SEMA6A: variants seen among roughly 807,000 people sequenced by gnomAD.
SEMA6A encodes the protein semaphorin-6A.
Under a neutral mutation model 96.8 loss-of-function variants are expected in SEMA6A, and 25 were observed. The observed-to-expected ratio is 0.26, with a 90% confidence interval of 0.19 to 0.36. The LOEUF (loss-of-function observed/expected upper bound fraction) is 0.36. Among genes scored for constraint, SEMA6A ranks in the 10% least tolerant of loss-of-function variants. SEMA6A has a pLI of 1.00. For missense variants in SEMA6A, 1,363 were observed against 1,323.1 expected (o/e 1.03, Z -0.47); for synonymous variants, 612 against 518.0 (o/e 1.18, Z -2.46).
At chr5:116,473,216 T>C (rs1319281653) in intron 16 of SEMA6A, 123 bp from the exon 17 acceptor site, 2 of 894,168 alleles carry the variant, frequency 2.2e-6, no homozygotes, top group African/African-American at 1.7e-5. Context: ...ACTAAGTAAG[T>C]GCTTTTTAAT....
chr5:116,475,487 G>T, intron 16 of SEMA6A, 58 bp downstream of exon 16: 2 of 1,209,938 alleles, frequency 1.7e-6, no homozygotes, highest in Non-Finnish European at 2.4e-6. Flanking sequence ...ATGTTTCTAG[G>T]CCATTCACTG....
chr5:116,514,811 A>C (rs963314489), intron 1 of SEMA6A, among the ~76,000 whole-genome samples: 1 of 152,206 alleles, frequency 6.6e-6, no homozygotes, highest in Admixed American at 6.5e-5. Context: ...GCTCTGTGCT[A>C]AGATGCTGAT....
chr5:116,455,534 T>C (rs563818584), intron 18 of SEMA6A, among the ~76,000 whole-genome samples: 1 of 152,218 alleles, frequency 6.6e-6, no homozygotes, highest in Non-Finnish European at 1.5e-5. Context: ...TCCCATCTTT[T>C]TCCTTTACTC....
Position 116,445,652 on chromosome 5 carries a change from G to T in SEMA6A, c.*961C>A, listed in dbSNP as rs755358768. On this transcript the variant is annotated 3_prime_UTR_variant, in exon 19 of 19. Coordinates refer to ENST00000343348, the MANE Select transcript of SEMA6A (RefSeq NM_020796.5). ...TAGGCCAGAGACCTGACCAGGCAAT[G>T]AACTGATAGATTTAAATAAATATTC... is the stretch of plus-strand genomic sequence containing the variant. The T allele has an allele frequency of 6.6e-6, 1 of 152,516 alleles. No homozygotes were observed. The highest frequency in any genetic ancestry group is 1.5e-5 in the Non-Finnish European group (1 of 68,030). The allele number at this position is 152,516 out of a possible 1,614,324, so 9.4% of individuals were successfully genotyped here.
intron 1 of SEMA6A, among the ~76,000 whole-genome samples, chr5:116,516,305 T>A (rs1580462831): frequency 6.6e-6 from 1 of 152,208 alleles, no homozygotes; most frequent in East Asian, 1.9e-4. Flanking sequence ...TCTGTGTATG[T>A]CCAGACACAT....
rs770161881 is a variant in SEMA6A, at chr5:116,504,846, G to A, written c.99C>T (p.Asn33=). 3 of 1,593,932 alleles carry A rather than the reference G, an allele frequency of 1.9e-6. No homozygotes were observed. Among genetic ancestry groups the A allele is most frequent in the Non-Finnish European group, 2.6e-6 (3 of 1,169,382 alleles). The change falls in exon 2 of 19, where the codon AAC becomes AAT. Residue 33 remains asparagine, a splice_region_variant and synonymous_variant. Coordinates refer to ENST00000343348, the MANE Select transcript of SEMA6A (RefSeq NM_020796.5). ...DSEPISISHG[N]YTKQYPVFVG... ...CTGAGTGAGACCATGGGTACTTACA[G>A]TTGCCATGCGAAATACTGATTGGCT... is the stretch of plus-strand genomic sequence containing the variant.
Position 116,447,339 on chromosome 5 carries a change from C to G in SEMA6A, c.2367G>C (p.Lys789Asn). 6.2e-7 allele frequency: 1 copy of G among 1,613,888 alleles called. No individual in the cohort carries two copies. The highest frequency in any genetic ancestry group is 8.5e-7 in the Non-Finnish European group (1 of 1,179,890). ...RNQNLINACT[K>N]DMPPMGSPVI... ...CAGGGGAGCCCATGGGGGGCATGTC[C>G]TTTGTGCAGGCATTGATGAGGTTCT... The change falls in exon 19 of 19, where the codon AAG becomes AAC. Residue 789 changes from lysine to asparagine, a missense_variant. Lys to Asn is a moderately conservative substitution (Grantham distance 94). This residue lies in a region of SEMA6A where 883 missense variants were observed against 763.6 expected (regional missense o/e 1.16). Transcript: ENST00000343348.
chr5:116,562,787 G>C, intron 1 of SEMA6A: 1 of 730,626 alleles, frequency 1.4e-6, no homozygotes, highest in Non-Finnish European at 2.6e-6. Context: ...TGCTATGTTG[G>C]CTGCCCAGGA....
intron 18 of SEMA6A, among the ~76,000 whole-genome samples, chr5:116,456,104 AGT>A (rs1278332011): frequency 4.6e-5 from 7 of 152,208 alleles, no homozygotes; most frequent in African/African-American, 1.7e-4. Context: ...GTTAGCCAAA[AGT>A]GTAAAAATAA....
intron 1 of SEMA6A, among the ~76,000 whole-genome samples, chr5:116,535,232 G>A (rs1259462086): frequency 6.6e-6 from 1 of 152,134 alleles, no homozygotes; most frequent in Admixed American, 6.5e-5. Flanking sequence ...ACCCAGATGG[G>A]GAGGCCAAAG....
chr5:116,450,658 T>C (rs1013938061), intron 18 of SEMA6A, among the ~76,000 whole-genome samples: 1 of 152,228 alleles, frequency 6.6e-6, no homozygotes, highest in Non-Finnish European at 1.5e-5. Context: ...ACAAGTTAAG[T>C]AGGATCTGAC....
chr5:116,506,152 C>G (rs553997751), intron 1 of SEMA6A, among the ~76,000 whole-genome samples: 2 of 152,310 alleles, frequency 1.3e-5, no homozygotes, highest in Non-Finnish European at 2.9e-5. Flanking sequence ...TGCTAACTTA[C>G]GCTTTTTGGA....
chr5:116,518,954 G>A (rs1367871259), intron 1 of SEMA6A, among the ~76,000 whole-genome samples: 1 of 151,744 alleles, frequency 6.6e-6, no homozygotes, highest in East Asian at 1.9e-4. Context: ...TCTCAAACAC[G>A]GTATTTTCCT....
rs1754339906 is a variant in SEMA6A, at chr5:116,447,766, G to C, written c.1940C>G (p.Pro647Arg). The change falls in exon 19 of 19, where the codon CCC (proline) becomes CGC (arginine). Residue 647 changes from proline to arginine, a missense_variant. Physicochemically the swap from Pro to Arg is moderately radical, Grantham distance 103. Around this residue, in one of 2 missense-constraint regions of SEMA6A, gnomAD observed 883 missense variants for 763.6 expected, o/e 1.16. Coordinates refer to ENST00000343348, the MANE Select transcript of SEMA6A (RefSeq NM_020796.5). ...GACTGCAATGGCCAAGAGGGTGACG[G>C]GAACCAGCTGGTCGTGGCCTTTGAG... ...SYLKGHDQLV[P>R]VTLLAIAVIL... 1 of 1,610,400 alleles carries C rather than the reference G, an allele frequency of 6.2e-7. No individual in the cohort carries two copies. The highest frequency in any genetic ancestry group is 8.5e-7 in the Non-Finnish European group (1 of 1,177,166).
intron 1 of SEMA6A, among the ~76,000 whole-genome samples, chr5:116,573,324 C>G (rs955846937): frequency 6.6e-6 from 1 of 152,060 alleles, no homozygotes; most frequent in Non-Finnish European, 1.5e-5. Context: ...CTTTCCAGAG[C>G]GAGACCGCGC....
intron 18 of SEMA6A, among the ~76,000 whole-genome samples, chr5:116,461,907 A>G (rs566942538): frequency 8.5e-5 from 13 of 152,288 alleles, no homozygotes; most frequent in African/African-American, 3.1e-4. Flanking sequence ...AGAGCCAGTG[A>G]TAAATTCTGC....
intron 18 of SEMA6A, among the ~76,000 whole-genome samples, chr5:116,461,444 C>T (rs559397926): frequency 7.3e-4 from 111 of 151,304 alleles, no homozygotes; most frequent in African/African-American, 2.7e-3. Flanking sequence ...AAAAGGAATG[C>T]AAATTAGTAT....
intron 1 of SEMA6A, among the ~76,000 whole-genome samples, chr5:116,531,797 C>G (rs532240551): frequency 7.9e-5 from 12 of 152,244 alleles, no homozygotes; most frequent in Non-Finnish European, 1.6e-4. Flanking sequence ...ATCCCAGTCA[C>G]CTGCTTTGAC....
At chr5:116,504,760 C>G (rs1758061193) in intron 2 of SEMA6A, 85 bp downstream of exon 2, 3 of 1,081,990 alleles carry the variant, frequency 2.8e-6, no homozygotes, top group Non-Finnish European at 4.1e-6. Context: ...TATTCTATTT[C>G]ATTTTTCAGT....
Sources: gnomAD v4.1 joint callset for allele counts (sites outside exome capture counted in the v4.1 genomes callset) on GRCh38, gnomAD v4.1.1 for gene constraint, gnomAD v4.1.1 regional missense constraint, MANE v1.5 for transcripts, NCBI Gene and HGNC (gene_info 2026-07-23, HGNC 2026-07-21) for gene names.